Variants in LRRC56 observed in about 807,000 individuals in gnomAD.
The protein encoded by LRRC56 is leucine rich repeat containing 56.
A neutral mutation model predicts 47.8 loss-of-function variants in LRRC56; 41 were observed. The ratio of observed to expected loss-of-function variants is 0.86; its 90% confidence interval spans 0.67 to 1.11. LRRC56 has a LOEUF of 1.11. LRRC56 is among the 50% of genes most tolerant of loss of function. The pLI is 0.00. For synonymous variants in LRRC56, 387 were observed against 311.2 expected, an observed-to-expected ratio of 1.24 and a Z score of -2.56; for missense variants, 759 against 704.2, an observed-to-expected ratio of 1.08 and a Z score of -0.88.
chr11:545,812 G>A (rs1374503572), intron 6 of LRRC56, among the ~76,000 whole-genome samples: 1 of 152,210 alleles, frequency 6.6e-6, no homozygotes, highest in Non-Finnish European at 1.5e-5. Flanking sequence ...AGCAGCATAA[G>A]GCAGGGGAAT....
chr11:526,368 A>G, the LRRC56 span, among the ~76,000 whole-genome samples: 1 of 152,144 alleles, frequency 6.6e-6, no homozygotes, highest in East Asian at 1.9e-4. Flanking sequence ...AACACGCCCA[A>G]GATGAAAATC....
chr11:552,507 C>T, intron 12 of LRRC56, 62 bp from the exon 13 acceptor site: 4 of 1,426,276 alleles, frequency 2.8e-6, no homozygotes, highest in Non-Finnish European at 3.9e-6. Flanking sequence ...ATGGACCATC[C>T]CTATGTGTCC....
chr11:533,225 C>A (rs1316365463), upstream of LRRC56: 7 of 1,469,900 alleles, frequency 4.8e-6, no homozygotes, highest in Non-Finnish European at 6.4e-6. Context: ...GGGCGTGAGC[C>A]CAGACCCCGG....
the LRRC56 span, among the ~76,000 whole-genome samples, chr11:511,734 GCGTGA>G: frequency 6.6e-6 from 1 of 152,340 alleles, no homozygotes; most frequent in Non-Finnish European, 1.5e-5. Flanking sequence ...CAGGGCCCAG[GCGTGA>G]CCCTCTCCTT....
chr11:508,887 T>C, the LRRC56 span, among the ~76,000 whole-genome samples: 1 of 148,568 alleles, frequency 6.7e-6, no homozygotes, highest in Non-Finnish European at 1.5e-5. Flanking sequence ...CTACTAAAAT[T>C]ACAAAAACTT....
intron 6 of LRRC56, among the ~76,000 whole-genome samples, chr11:546,779 G>A (rs983417514): frequency 1.3e-5 from 2 of 151,332 alleles, no homozygotes; most frequent in Admixed American, 6.6e-5. Context: ...CCAGCCAGGC[G>A]GGTTGGCTCA....
At position 554,638 on chromosome 11, in the gene LRRC56, C is replaced by A; in HGVS notation, c.*362C>A. On this transcript the variant is annotated 3_prime_UTR_variant, in exon 14 of 14. Transcript: ENST00000270115. ...GGCCGAGGGGCAGGGGCTGGAGCTG[C>A]GAGTCCACCACTCCCTTGCCGGCCC... 2.5e-6 allele frequency: 1 copy of A among 397,854 alleles called. No individual in the cohort carries two copies. Among genetic ancestry groups the A allele is most frequent in the Non-Finnish European group, 4.5e-6 (1 of 222,048 alleles). The allele number at this position is 397,854 out of a possible 1,614,324, so 24.6% of individuals were successfully genotyped here. A position where few individuals can be genotyped will look rare whatever the true frequency, so the allele number is the denominator to read the frequency against.
At chr11:513,789 T>C in the LRRC56 span, among the ~76,000 whole-genome samples, 1 of 137,450 alleles carries the variant, frequency 7.3e-6, no homozygotes, top group South Asian at 2.4e-4. Flanking sequence ...GCCATTGAAC[T>C]CCAGCTGGGC....
At chr11:516,160 G>A in the LRRC56 span, among the ~76,000 whole-genome samples, 8 of 152,070 alleles carry the variant, frequency 5.3e-5, no homozygotes, top group South Asian at 2.1e-4. Flanking sequence ...TTGGGAGGCC[G>A]AGGTGGGTGG....
the LRRC56 span, among the ~76,000 whole-genome samples, chr11:509,053 A>G: frequency 2.0e-5 from 3 of 152,024 alleles, no homozygotes; most frequent in African/African-American, 7.2e-5. Flanking sequence ...CTCAAAAAAG[A>G]AAAAAGAAAC....
At chr11:528,671 G>GCA in the LRRC56 span, 4 of 152,212 alleles carry the variant, frequency 2.6e-5, no homozygotes, top group Non-Finnish European at 5.9e-5. Context: ...TCGAGCCACG[G>GCA]GGGTGACAGT....
At chr11:517,932 G>A in the LRRC56 span, among the ~76,000 whole-genome samples, 1 of 152,212 alleles carries the variant, frequency 6.6e-6, no homozygotes, top group Non-Finnish European at 1.5e-5. Context: ...TAAGGGCGGT[G>A]CCAGATGTGC....
chr11:518,605 GA>G, the LRRC56 span, among the ~76,000 whole-genome samples: 66 of 152,272 alleles, frequency 4.3e-4, no homozygotes, highest in African/African-American at 1.5e-3. Context: ...TTACAGACGT[GA>G]GTCACCCTGC....
chr11:548,496 C>T (rs768911651), intron 6 of LRRC56, among the ~76,000 whole-genome samples: 2 of 151,768 alleles, frequency 1.3e-5, no homozygotes, highest in Admixed American at 6.6e-5. Context: ...CTCGCTCTGT[C>T]GTCCAGGCTG....
the LRRC56 span, among the ~76,000 whole-genome samples, chr11:521,462 C>T: frequency 0.087 from 13,240 of 152,196 alleles, 806 homozygotes; most frequent in Admixed American, 0.17. Context: ...GCACACACCA[C>T]TGTGCCCAGC....
At chr11:552,520 T>A in intron 12 of LRRC56, 49 bp from the exon 13 acceptor site, 1 of 1,515,508 alleles carries the variant, frequency 6.6e-7, no homozygotes, top group Non-Finnish European at 9.0e-7. Flanking sequence ...ATGTGTCCTG[T>A]CCCGTGGGGG....
chr11:534,682 TA>T, upstream of LRRC56: 1 of 362,844 alleles, frequency 2.8e-6, no homozygotes, highest in South Asian at 3.1e-5. Context: ...GCAGAAAGGC[TA>T]AAGGGAGGCG....
chr11:551,642 C>T lies in LRRC56; in HGVS notation c.797-9C>T. On this transcript the variant is annotated splice_polypyrimidine_tract_variant and intron_variant, in intron 9 of 13. Transcript: ENST00000270115. ...GCCTTGGTGACCTCTGCTTCTGAACCTCGGGCAGACTGTCCCCGTGGAGCC... is the reference window on the plus strand; with the variant it reads ...GCCTTGGTGACCTCTGCTTCTGAACTTCGGGCAGACTGTCCCCGTGGAGCC... The T allele has an allele frequency of 5.8e-6, 9 of 1,547,400 alleles. No homozygotes were observed. The highest frequency in any genetic ancestry group is 7.8e-6 in the Non-Finnish European group (9 of 1,147,562).
At chr11:518,939 C>T in the LRRC56 span, among the ~76,000 whole-genome samples, 2 of 151,792 alleles carry the variant, frequency 1.3e-5, no homozygotes, top group Admixed American at 6.6e-5. Flanking sequence ...ACCTGGAAAC[C>T]CCGCCCCCAA....
Sources: gnomAD v4.1 joint callset for allele counts (sites outside exome capture counted in the v4.1 genomes callset) on GRCh38, gnomAD v4.1.1 for gene constraint, MANE v1.5 for transcripts, NCBI Gene and HGNC (gene_info 2026-07-23, HGNC 2026-07-21) for gene names.